TTC34: variants seen among roughly 807,000 people sequenced by gnomAD.
TTC34 encodes the protein tetratricopeptide repeat protein 34.
In TTC34, 44 loss-of-function variants were observed where a neutral mutation model predicts 40.7. The ratio of observed to expected loss-of-function variants is 1.08; its 90% CI spans 0.85 to 1.39. The LOEUF (loss-of-function observed/expected upper bound fraction) is 1.39, where lower values mean the gene tolerates loss of function less well. Among genes scored for constraint, TTC34 ranks in the 40% most tolerant of loss-of-function variants. The probability of loss-of-function intolerance (pLI) is 0.00; values close to 1 mark genes in which losing one functional copy is unlikely to be tolerated. For missense variants in TTC34, 884 were observed against 838.0 expected (o/e 1.05, Z -0.68); for synonymous variants, 422 against 398.6 (o/e 1.06, Z -0.70).
At chr1:2,644,613 G>A (rs1278512582) in intron 7 of TTC34, 135 bp from the exon 8 acceptor site, 2 of 908,946 alleles carry the variant, frequency 2.2e-6, no homozygotes, top group South Asian at 1.7e-5. Context: ...CCAGGAAGAA[G>A]GAGCTGGGAG....
chr1:2,765,794 A>C (rs1641773077), intron 6 of TTC34, among the ~76,000 whole-genome samples: 1 of 19,312 alleles, frequency 5.2e-5, no homozygotes. Context: ...CAGCGCCCAC[A>C]CCCCCGGGCG....
chr1:2,751,789 G>A (rs1641329115), intron 6 of TTC34, among the ~76,000 whole-genome samples: 1 of 133,184 alleles, frequency 7.5e-6, no homozygotes, highest in African/African-American at 3.1e-5. Context: ...GCATCTGACA[G>A]CCTGGAGCAG....
In TTC34 at chr1:2,750,829, C is replaced by T. The variant is rs1424944755; in HGVS notation, c.2226+32780G>A. Among the ~76,000 whole-genome samples, 22 of 123,970 alleles carry T rather than the reference C, an allele frequency of 1.8e-4. 3 individuals carry two copies. The highest frequency in any genetic ancestry group is 3.3e-4 in the Non-Finnish European group (20 of 61,474). The allele number at this position is 123,970 out of a possible 152,430, so 81.3% of individuals were successfully genotyped here. ...CACCCCCAGGCGAGCATCTGACAGC[C>T]TGGAGCAGTACCCACACACCCAGGT... On this transcript the variant is annotated intron_variant, in intron 6 of 8. Coordinates refer to ENST00000401095, the Ensembl canonical transcript of TTC34.
At chr1:2,650,846 C>G (rs1460312672) in intron 6 of TTC34, among the ~76,000 whole-genome samples, 2 of 146,614 alleles carry the variant, frequency 1.4e-5, no homozygotes, top group African/African-American at 5.1e-5. Flanking sequence ...GAGCCTCTGA[C>G]AGCCTGAAAC....
intron 6 of TTC34, chr1:2,775,005 C>A (rs1642959799): frequency 1.6e-5 from 2 of 125,634 alleles, no homozygotes; most frequent in African/African-American, 3.1e-5. Flanking sequence ...GAGCATCTGA[C>A]AGCCTGGAAC....
At chr1:2,660,829 C>T (rs1433243227) in intron 6 of TTC34, among the ~76,000 whole-genome samples, 1 of 9,368 alleles carries the variant, frequency 1.1e-4, no homozygotes, top group African/African-American at 3.5e-4. Flanking sequence ...ACAGCACCCA[C>T]ATCCCCAGGT....
At chr1:2,684,644 T>C (rs1456274175) in intron 6 of TTC34, among the ~76,000 whole-genome samples, 1 of 110,820 alleles carries the variant, frequency 9.0e-6, no homozygotes, top group Non-Finnish European at 1.8e-5. Flanking sequence ...CACCTCCAGG[T>C]GAGCATCCGA....
At chr1:2,758,324 A>G (rs1641573989) in intron 6 of TTC34, among the ~76,000 whole-genome samples, 1 of 83,748 alleles carries the variant, frequency 1.2e-5, no homozygotes, top group Non-Finnish European at 2.2e-5. Flanking sequence ...CGCCCAGATG[A>G]GCATCTGACA....
chr1:2,750,279 C>T lies in TTC34; in HGVS notation c.2226+33330G>A, dbSNP rs1569688695. Among the ~76,000 whole-genome samples the T allele has an allele frequency of 1.7e-5, 2 of 120,594 alleles. 1 individual carries two copies. Among genetic ancestry groups the T allele is most frequent in the East Asian group, 5.6e-4 (2 of 3,548 alleles). The allele number at this position is 120,594 out of a possible 152,430, so 79.1% of individuals were successfully genotyped here. ...GCATCTGACAGCCTGGAAAAGAGCC[C>T]AGACCCCCAGGTGAGCATCTGACAG... On this transcript the variant is annotated intron_variant, in intron 6 of 8. Transcript: ENST00000401095.
chr1:2,653,278 C>G (rs548222459), intron 6 of TTC34, among the ~76,000 whole-genome samples: 71 of 122,656 alleles, frequency 5.8e-4, no homozygotes, highest in African/African-American at 2.1e-3. Flanking sequence ...CCTGGAACAG[C>G]ACCCTGCACC....
chr1:2,698,977 G>C (rs797004140), intron 6 of TTC34, among the ~76,000 whole-genome samples: 1 of 113,012 alleles, frequency 8.8e-6, no homozygotes, highest in African/African-American at 2.8e-5. Flanking sequence ...GCCCCCCCAG[G>C]TGAGCATCTG....
chr1:2,694,794 C>A (rs1426095573), intron 6 of TTC34, among the ~76,000 whole-genome samples: 2 of 80,084 alleles, frequency 2.5e-5, no homozygotes, highest in African/African-American at 4.1e-5. Context: ...ACCCACACAC[C>A]CAGGCGAGCA....
chr1:2,684,898 C>T (rs1402669740), intron 6 of TTC34, among the ~76,000 whole-genome samples: 2 of 114,574 alleles, frequency 1.7e-5, no homozygotes, highest in Non-Finnish European at 3.4e-5. Flanking sequence ...CATCTGACAG[C>T]CTGGAACAGC....
In TTC34 at chr1:2,786,298, T is replaced by C. The variant is rs143814414; in HGVS notation, c.1855-275A>G. Reference sequence around the variant, plus strand: ...CGCTGCCTCCACCAGCCCCTGGCTGTGTGTCCATGAGCCTGGGAGCTTCTG... The same window carrying C: ...CGCTGCCTCCACCAGCCCCTGGCTGCGTGTCCATGAGCCTGGGAGCTTCTG... On this transcript the variant is annotated intron_variant, in intron 4 of 8. Transcript: ENST00000401095. Among the ~76,000 whole-genome samples the C allele has an allele frequency of 5.2e-3, 799 of 152,320 alleles. 5 individuals are homozygous for C. Among genetic ancestry groups the C allele is most frequent in the Middle Eastern group, 0.014 (4 of 294 alleles).
rs1157470040 is a variant in TTC34 at position 2,750,329 on chromosome 1, G to C, written c.2226+33280C>G. Among the ~76,000 whole-genome samples the C allele has an allele frequency of 3.8e-5, 3 of 79,168 alleles. 1 individual carries two copies. Among genetic ancestry groups the C allele is most frequent in the Non-Finnish European group, 6.8e-5 (3 of 44,232 alleles). The allele number at this position is 79,168 out of a possible 152,430, so 51.9% of individuals were successfully genotyped here. A position where few individuals can be genotyped will look rare whatever the true frequency, so the allele number is the denominator to read the frequency against. On this transcript the variant is annotated intron_variant, in intron 6 of 8. Coordinates refer to ENST00000401095, the Ensembl canonical transcript of TTC34. ...GACTGGAACTGCACCCCCATGCCCA[G>C]GTGAGCCTCTGACAGCCTTGAACAG...
rs575707331 is a variant in TTC34 at position 2,644,335 on chromosome 1, C to T, written c.2641G>A (p.Glu881Lys). 133 of 1,535,896 alleles carry T rather than the reference C, an allele frequency of 8.7e-5. No individual in the cohort carries two copies. The Admixed American group carries it at 9.4e-4, about 11-fold the overall frequency. ...CAGCTGAGATCCGGGGCATCCACCT[C>T]GGCCAGGCTCTGCAGGTCCCTTGCA... The change falls in exon 8 of 9, where the codon GAG becomes AAG. Residue 881 changes from glutamate (E) to lysine (K), a missense_variant. Transcript: ENST00000401095.
chr1:2,698,455 G>GA (rs2100401989), intron 6 of TTC34, among the ~76,000 whole-genome samples: 1 of 107,768 alleles, frequency 9.3e-6, no homozygotes, highest in Non-Finnish European at 2.0e-5. Flanking sequence ...ACCCCCAGGT[G>GA]GGCATGTGAC....
chr1:2,646,830 G>A (rs1350408882), intron 6 of TTC34, among the ~76,000 whole-genome samples: 1 of 152,174 alleles, frequency 6.6e-6, no homozygotes, highest in Non-Finnish European at 1.5e-5. Context: ...CTTCCCTCAG[G>A]ATCTGCTGTG....
At position 2,687,829 on chromosome 1, in the gene TTC34, C is replaced by T. The variant is rs561760092; in HGVS notation, c.2227-42266G>A. ...CACCTCCAGGTGAGCATCTGATGGT[C>T]TGGAGCATTACCCACACCCACAGTT... On this transcript the variant is annotated intron_variant, in intron 6 of 8. Coordinates refer to ENST00000401095, the Ensembl canonical transcript of TTC34. Among the ~76,000 whole-genome samples, 18 of 150,414 alleles carry T rather than the reference C, an allele frequency of 1.2e-4. No individual in the cohort carries two copies. In the East Asian group the frequency reaches 3.4e-3, roughly 28 times the overall value.
Sources: gnomAD v4.1 joint callset for allele counts (sites outside exome capture counted in the v4.1 genomes callset) on GRCh38, gnomAD v4.1.1 for gene constraint, MANE v1.5 for transcripts, NCBI Gene and HGNC (gene_info 2026-07-23, HGNC 2026-07-21) for gene names.